The following TYW1B variants were observed in gnomAD, a reference collection of about 807,000 sequenced individuals.
TYW1B encodes the protein tRNA-yW synthesizing protein 1 homolog B, also known as S-adenosyl-L-methionine-dependent tRNA 4-demethylwyosine synthase TYW1B.
A neutral mutation model predicts 86.9 loss-of-function variants in TYW1B; 73 were observed. The observed-to-expected ratio is 0.84, with a 90% CI of 0.70 to 1.02. The LOEUF is 1.02. TYW1B is among the 50% of genes least tolerant of loss of function. The pLI is 0.00. For synonymous variants in TYW1B, 248 were observed against 292.8 expected, an observed-to-expected ratio of 0.85 and a Z score of 1.56; for missense variants, 637 against 827.4, an observed-to-expected ratio of 0.77 and a Z score of 2.82.
intron 10 of TYW1B, among the ~76,000 whole-genome samples, chr7:72,709,216 C>T (rs782618924): frequency 1.3e-5 from 2 of 152,164 alleles, no homozygotes; most frequent in Non-Finnish European, 2.9e-5. Context: ...ATAACAAAGA[C>T]GTGCCCACTT....
At chr7:72,596,967 T>A (rs1419281769) in intron 13 of TYW1B, among the ~76,000 whole-genome samples, 2 of 151,850 alleles carry the variant, frequency 1.3e-5, no homozygotes, top group Non-Finnish European at 2.9e-5. Flanking sequence ...AAAGAAGATA[T>A]AGAAATGGAC....
chr7:72,684,038 G>GA (rs1343815421), intron 11 of TYW1B, among the ~76,000 whole-genome samples: 1 of 152,090 alleles, frequency 6.6e-6, no homozygotes, highest in African/African-American at 2.4e-5. Context: ...AAAGCAAAAT[G>GA]AAAAAAGACT....
chr7:72,735,028 A>G lies in TYW1B; in HGVS notation c.1083-6097T>C, dbSNP rs190799859. On this transcript the variant is annotated intron_variant, in intron 8 of 13. Transcript: ENST00000620995. The stretch of plus-strand genomic sequence containing the variant: ...GGCAATGTAAACTACCACAGTCATT[A>G]GGGAAAACAATATGGAGATTCCTCA... Among the ~76,000 whole-genome samples, 97 of 152,316 alleles carry G rather than the reference A, an allele frequency of 6.4e-4. 1 individual carries two copies. In the East Asian group the frequency reaches 9.7e-3, roughly 15 times the overall value.
chr7:72,631,537 T>G (rs1812492199), intron 11 of TYW1B, among the ~76,000 whole-genome samples: 1 of 152,004 alleles, frequency 6.6e-6, no homozygotes, highest in Non-Finnish European at 1.5e-5. Flanking sequence ...AATAAATAAA[T>G]GCATTTCTAT....
At chr7:72,769,274 TG>T (rs1787827108) in intron 7 of TYW1B, 1 of 186,584 alleles carries the variant, frequency 5.4e-6, no homozygotes, top group Non-Finnish European at 1.1e-5. Flanking sequence ...CATATGTATG[TG>T]TCTTCCTTAA....
chr7:72,799,565 A>C (rs1788369169), intron 6 of TYW1B, among the ~76,000 whole-genome samples: 2 of 151,334 alleles, frequency 1.3e-5, no homozygotes, highest in African/African-American at 4.9e-5. Context: ...TCCCAGGTTC[A>C]CGCCATTCTC....
intron 7 of TYW1B, among the ~76,000 whole-genome samples, chr7:72,763,282 C>CTTTTTT (rs1328471948): frequency 8.4e-6 from 1 of 118,388 alleles, no homozygotes; most frequent in Non-Finnish European, 1.6e-5. Context: ...CTTTTCTTTT[C>CTTTTTT]TTTTTTTTTT....
intron 9 of TYW1B, among the ~76,000 whole-genome samples, chr7:72,723,564 C>T (rs757425493): frequency 2.0e-4 from 30 of 152,154 alleles, no homozygotes; most frequent in Non-Finnish European, 3.7e-4. Flanking sequence ...CCCAGGAGTT[C>T]GAGATCAGAC....
chr7:72,702,375 G>A (rs1563064523), intron 10 of TYW1B, among the ~76,000 whole-genome samples: 1 of 152,026 alleles, frequency 6.6e-6, no homozygotes, highest in Non-Finnish European at 1.5e-5. Context: ...CCGTGGTTGT[G>A]AGTTACTGGT....
chr7:72,730,115 A>G lies in TYW1B; in HGVS notation c.1083-1184T>C, dbSNP rs1787076255. On this transcript the variant is annotated intron_variant, in intron 8 of 13. Transcript: ENST00000620995. Reference sequence around the variant, plus strand: ...TATGAAAACTACTCCATAAAAATGGAAAGGGTGACTGTTATACCAGATGTG... The same window carrying G: ...TATGAAAACTACTCCATAAAAATGGGAAGGGTGACTGTTATACCAGATGTG... Among the ~76,000 whole-genome samples the G allele has an allele frequency of 2.6e-5, 4 of 152,310 alleles. No homozygotes were observed. The South Asian group carries it at 8.3e-4, about 32-fold the overall frequency.
intron 6 of TYW1B, among the ~76,000 whole-genome samples, chr7:72,799,515 G>C (rs1442303150): frequency 6.6e-6 from 1 of 151,322 alleles, no homozygotes; most frequent in African/African-American, 2.4e-5. Flanking sequence ...ACCCAGGCTG[G>C]AGTGCAGTGG....
chr7:72,642,850 A>T (rs1812835260), intron 11 of TYW1B, among the ~76,000 whole-genome samples: 1 of 152,178 alleles, frequency 6.6e-6, no homozygotes, highest in East Asian at 1.9e-4. Flanking sequence ...GCAGTGAGCC[A>T]AGATCACACC....
At chr7:72,582,645 C>T (rs1321719452) in intron 13 of TYW1B, among the ~76,000 whole-genome samples, 5 of 152,160 alleles carry the variant, frequency 3.3e-5, no homozygotes, top group African/African-American at 1.2e-4. Flanking sequence ...AGCTGGTGAT[C>T]TCAGGATAAC....
At chr7:72,650,105 G>T (rs1330900745) in intron 11 of TYW1B, among the ~76,000 whole-genome samples, 1 of 146,444 alleles carries the variant, frequency 6.8e-6, no homozygotes, top group Non-Finnish European at 1.5e-5. Context: ...TAATAAAGAC[G>T]GGGTTTCACC....
intron 10 of TYW1B, among the ~76,000 whole-genome samples, chr7:72,712,214 C>G (rs1279561445): frequency 1.3e-5 from 2 of 152,070 alleles, no homozygotes; most frequent in Non-Finnish European, 2.9e-5. Flanking sequence ...TATGGGGCCC[C>G]ATAATCCTAG....
At position 72,575,307 on chromosome 7, in the gene TYW1B, A is replaced by G; in HGVS notation, c.*191T>C. 7.1e-7 allele frequency: 1 copy of G among 1,416,322 alleles called. No individual in the cohort carries two copies. Among genetic ancestry groups the G allele is most frequent in the Admixed American group, 3.0e-5 (1 of 33,706 alleles). 87.7% of individuals were successfully genotyped at this position (1,416,322 alleles called of 1,614,324 possible). A position where few individuals can be genotyped will look rare whatever the true frequency, so the allele number is the denominator to read the frequency against. The stretch of plus-strand genomic sequence containing the variant: ...GAAAGGGGCTGAGTTCTGAAAAGAA[A>G]CATCGGGGCTGTGGCCCAGGCCCTC... On this transcript the variant is annotated 3_prime_UTR_variant, in exon 14 of 14. Transcript: ENST00000620995.
intron 6 of TYW1B, among the ~76,000 whole-genome samples, chr7:72,778,126 G>C (rs1424036919): frequency 6.6e-6 from 1 of 152,068 alleles, no homozygotes; most frequent in East Asian, 1.9e-4. Flanking sequence ...TTAACTAAGT[G>C]TCAAACATTT....
chr7:72,635,701 TTA>T (rs1812650087), intron 11 of TYW1B, among the ~76,000 whole-genome samples: 1 of 152,346 alleles, frequency 6.6e-6, no homozygotes, highest in Non-Finnish European at 1.5e-5. Context: ...ATACAACCCT[TTA>T]TGATTCTGCC....
intron 10 of TYW1B, among the ~76,000 whole-genome samples, chr7:72,705,409 G>A (rs1459084849): frequency 3.9e-5 from 6 of 152,212 alleles, no homozygotes; most frequent in Non-Finnish European, 7.3e-5. Context: ...ATGAAAAGGT[G>A]TTCGAAAGTA....
Sources: gnomAD v4.1 joint callset for allele counts (sites outside exome capture counted in the v4.1 genomes callset) on GRCh38, gnomAD v4.1.1 for gene constraint, MANE v1.5 for transcripts, NCBI Gene and HGNC (gene_info 2026-07-23, HGNC 2026-07-21) for gene names.